PGGT1B: variants seen among roughly 807,000 people sequenced by gnomAD.
PGGT1B encodes protein geranylgeranyltransferase type I subunit beta.
PGGT1B carries 30 observed loss-of-function variants against 46.1 expected under a neutral mutation model. The observed-to-expected ratio is 0.65, with a 90% CI of 0.49 to 0.88. PGGT1B has a LOEUF of 0.88. Ranked by LOEUF, PGGT1B falls within the 40% of genes least tolerant of loss-of-function variation. The pLI, the probability that PGGT1B is intolerant of heterozygous loss-of-function variation, is 0.00. For missense variants in PGGT1B, 376 were observed against 455.9 expected (o/e 0.82, Z 1.60); for synonymous variants, 170 against 160.0 (o/e 1.06, Z -0.47).
At chr5:115,228,803 G>A (rs2127002641) in intron 6 of PGGT1B, among the ~76,000 whole-genome samples, 1 of 152,100 alleles carries the variant, frequency 6.6e-6, no homozygotes, top group South Asian at 2.1e-4. Flanking sequence ...AAGTGGGGAG[G>A]TTAATAGCTC....
At chr5:115,222,082 G>T in intron 6 of PGGT1B, 74 bp from the exon 7 acceptor site, 1 of 798,104 alleles carries the variant, frequency 1.3e-6, no homozygotes, top group East Asian at 3.0e-5. Flanking sequence ...ATGTTCAAGG[G>T]GAAAAAGTGG....
chr5:115,258,689 C>T (rs1391145561), intron 1 of PGGT1B, among the ~76,000 whole-genome samples: 1 of 152,228 alleles, frequency 6.6e-6, no homozygotes. Flanking sequence ...TTTGGGATTA[C>T]TTCTTCCAAG....
intron 6 of PGGT1B, among the ~76,000 whole-genome samples, chr5:115,226,559 A>G (rs1436694037): frequency 6.6e-6 from 1 of 151,896 alleles, no homozygotes. Context: ...TATATAAAAT[A>G]ATATTTAAAT....
chr5:115,234,938 G>T (rs983798374), intron 5 of PGGT1B, among the ~76,000 whole-genome samples: 1 of 152,020 alleles, frequency 6.6e-6, no homozygotes, highest in African/African-American at 2.4e-5. Context: ...AAAAGGCCTA[G>T]AAGTAATGAC....
intron 7 of PGGT1B, 47 bp from the exon 8 acceptor site, chr5:115,217,020 C>A: frequency 2.4e-6 from 2 of 829,146 alleles, no homozygotes; most frequent in South Asian, 1.4e-5. Flanking sequence ...AAACTCATAT[C>A]AACCTTTGGC....
chr5:115,229,891 A>T (rs182837403), intron 6 of PGGT1B, among the ~76,000 whole-genome samples: 1 of 151,812 alleles, frequency 6.6e-6, no homozygotes, highest in Admixed American at 6.6e-5. Context: ...TTCAGAGGAA[A>T]CTCCAGGACA....
At chr5:115,222,433 T>A (rs1228969723) in intron 6 of PGGT1B, among the ~76,000 whole-genome samples, 1 of 152,122 alleles carries the variant, frequency 6.6e-6, no homozygotes, top group Non-Finnish European at 1.5e-5. Flanking sequence ...ACAAATAAGA[T>A]AAACAAGTTA....
intron 8 of PGGT1B, among the ~76,000 whole-genome samples, chr5:115,213,135 C>A (rs1756290631): frequency 6.6e-6 from 1 of 152,164 alleles, no homozygotes; most frequent in Non-Finnish European, 1.5e-5. Flanking sequence ...AATGCTGTGC[C>A]ATATTTAATC....
rs1251050451 is a variant in PGGT1B at position 115,210,398 on chromosome 5, T to G, written c.*2004A>C. ...AACTATTTAGAAAAGTTAGAAATAG[T>G]TTCTCCACAATTCACACTGGGCTGC... On this transcript the variant is annotated 3_prime_UTR_variant, in exon 9 of 9. Coordinates refer to ENST00000419445, the MANE Select transcript of PGGT1B (RefSeq NM_005023.4). 6.6e-6 allele frequency: 1 copy of G among 152,140 alleles called. No individual in the cohort carries two copies. The highest frequency in any genetic ancestry group is 1.5e-5 in the Non-Finnish European group (1 of 67,976). The allele number at this position is 152,140 out of a possible 1,614,324, so 9.4% of individuals were successfully genotyped here. A position where few individuals can be genotyped will look rare whatever the true frequency, so the allele number is the denominator to read the frequency against.
At chr5:115,222,562 T>C (rs972445842) in intron 6 of PGGT1B, among the ~76,000 whole-genome samples, 7 of 152,212 alleles carry the variant, frequency 4.6e-5, no homozygotes, top group African/African-American at 1.7e-4. Context: ...TGGAAGACAG[T>C]GTGGTGATTT....
chr5:115,249,018 T>C (rs1747975834), intron 2 of PGGT1B, among the ~76,000 whole-genome samples: 1 of 152,224 alleles, frequency 6.6e-6, no homozygotes, highest in South Asian at 2.1e-4. Flanking sequence ...TTAAGCTAAG[T>C]ATTTTTCTAG....
chr5:115,247,134 G>C (rs1170228141), intron 2 of PGGT1B, among the ~76,000 whole-genome samples: 2 of 152,054 alleles, frequency 1.3e-5, no homozygotes, highest in African/African-American at 4.8e-5. Context: ...TTAAAACTTA[G>C]TGTTTTACTA....
chr5:115,258,324 G>A (rs1016417971), intron 1 of PGGT1B, among the ~76,000 whole-genome samples: 1 of 152,074 alleles, frequency 6.6e-6, no homozygotes, highest in South Asian at 2.1e-4. Flanking sequence ...CTCTTTTCTA[G>A]CCCTACTTCA....
At chr5:115,234,076 C>A (rs1370649999) in intron 5 of PGGT1B, among the ~76,000 whole-genome samples, 1 of 151,386 alleles carries the variant, frequency 6.6e-6, no homozygotes, top group East Asian at 1.9e-4. Context: ...ATCTGCACAT[C>A]CACACAGTGG....
chr5:115,251,458 A>G (rs1009072324), intron 2 of PGGT1B, among the ~76,000 whole-genome samples: 12 of 152,140 alleles, frequency 7.9e-5, no homozygotes, highest in African/African-American at 2.9e-4. Context: ...AGGGGGAAGT[A>G]AACACTTATT....
At chr5:115,261,474 T>C (rs897333666) in intron 1 of PGGT1B, among the ~76,000 whole-genome samples, 18 of 152,234 alleles carry the variant, frequency 1.2e-4, no homozygotes, top group African/African-American at 4.3e-4. Context: ...CTGGCCAATA[T>C]GGCAACTGGG....
chr5:115,246,164 C>T (rs1747823798), intron 2 of PGGT1B, among the ~76,000 whole-genome samples: 1 of 151,950 alleles, frequency 6.6e-6, no homozygotes, highest in Non-Finnish European at 1.5e-5. Context: ...CCAGCCTGAC[C>T]AACATGGAGA....
At chr5:115,222,051 T>C in intron 6 of PGGT1B, 43 bp from the exon 7 acceptor site, 1 of 1,217,620 alleles carries the variant, frequency 8.2e-7, no homozygotes, top group Non-Finnish European at 1.1e-6. Flanking sequence ...TCAAATTAGA[T>C]GCTTATGAAA....
chr5:115,253,113 A>G, intron 2 of PGGT1B, 24 bp downstream of exon 2: 1 of 1,597,766 alleles, frequency 6.3e-7, no homozygotes, highest in South Asian at 1.1e-5. Context: ...CACACTAAAA[A>G]TAAAATGCTA....
Sources: allele counts gnomAD v4.1 joint callset (sites outside exome capture counted in the v4.1 genomes callset), GRCh38; gene constraint gnomAD v4.1.1; transcripts MANE v1.5; gene names NCBI Gene and HGNC (gene_info 2026-07-23, HGNC 2026-07-21).